ZBTB2: variants seen among roughly 807,000 people sequenced by gnomAD.
The protein encoded by ZBTB2 is zinc finger and BTB domain-containing protein 2.
A neutral mutation model predicts 39.5 loss-of-function variants in ZBTB2; 2 were observed. That is an observed-to-expected ratio of 0.05 (90% CI 0.02 to 0.16). ZBTB2 has a LOEUF of 0.16. ZBTB2 is among the 10% of genes least tolerant of loss of function. The pLI, the probability that ZBTB2 is intolerant of heterozygous loss-of-function variation, is 1.00. For missense variants in ZBTB2, 391 were observed against 653.0 expected, an observed-to-expected ratio of 0.60 and a Z score of 4.37; for synonymous variants, 251 against 256.6, an observed-to-expected ratio of 0.98 and a Z score of 0.21.
chr6:151,383,423 G>A (rs1339296435), intron 1 of ZBTB2, among the ~76,000 whole-genome samples: 3 of 152,090 alleles, frequency 2.0e-5, no homozygotes, highest in Admixed American at 2.0e-4. Flanking sequence ...TGAAATACAA[G>A]GATTATTAAA....
At chr6:151,390,875 C>T (rs1779282943) in intron 1 of ZBTB2, among the ~76,000 whole-genome samples, 1 of 151,244 alleles carries the variant, frequency 6.6e-6, no homozygotes, top group South Asian at 2.1e-4. Context: ...GGAAGGATTA[C>T]GCACCTGACG....
chr6:151,366,783 A>G lies in ZBTB2; in HGVS notation c.283T>C (p.Leu95=). 1 of 1,614,106 alleles carries G rather than the reference A, an allele frequency of 6.2e-7. No homozygotes were observed. Among genetic ancestry groups the G allele is most frequent in the East Asian group, 2.2e-5 (1 of 44,860 alleles). The part of the protein sequence containing the change: ...MAPQLIDPVR[L]EQGIKFLHAY... ...TGCAGAAACTTGATGCCCTGTTCTA[A>G]TCGAACCGGGTCGATGAGCTGAGGC... is the stretch of plus-strand genomic sequence containing the variant. The change falls in exon 3 of 3, where the codon TTA becomes CTA. Residue 95 remains leucine, a synonymous_variant. Coordinates refer to ENST00000325144, the MANE Select transcript of ZBTB2 (RefSeq NM_020861.3). The surrounding 1 kb of genome is among the most constrained non-coding windows in gnomAD (Gnocchi z 7.1).
At position 151,373,531 on chromosome 6, in the gene ZBTB2, T is replaced by C. The variant is rs1778831654; in HGVS notation, c.107A>G (p.Lys36Arg). The change falls in exon 2 of 3, where the codon AAG (lysine) becomes AGG (arginine). Residue 36 changes from lysine to arginine, a missense_variant. Around this residue, in one of 7 missense-constraint regions of ZBTB2, gnomAD observed 38 missense variants for 109.2 expected, o/e 0.35. Coordinates refer to ENST00000325144, the MANE Select transcript of ZBTB2 (RefSeq NM_020861.3). ...TGAAGCAAGAACTGATTTGTGTGCC[T>C]TGAAGTATACATCGCCGATTGCAAC... is the stretch of plus-strand genomic sequence containing the variant. ...CTVAIGDVYF[K>R]AHKSVLASFS... 1.2e-6 allele frequency: 2 copies of C among 1,614,164 alleles called. No individual in the cohort carries two copies. Among genetic ancestry groups the C allele is most frequent in the Non-Finnish European group, 1.7e-6 (2 of 1,180,026 alleles).
chr6:151,378,304 C>T (rs1778960206), intron 1 of ZBTB2, among the ~76,000 whole-genome samples: 2 of 152,084 alleles, frequency 1.3e-5, no homozygotes, highest in Non-Finnish European at 2.9e-5. Flanking sequence ...CATATCTAAG[C>T]ACGAGATAGG....
intron 1 of ZBTB2, among the ~76,000 whole-genome samples, chr6:151,381,155 C>T (rs529527318): frequency 7.9e-5 from 12 of 152,282 alleles, no homozygotes; most frequent in African/African-American, 2.6e-4. Flanking sequence ...CAGTTTTGGC[C>T]TCCTTCATGC....
chr6:151,369,755 C>T (rs1245701587), intron 2 of ZBTB2, among the ~76,000 whole-genome samples: 1 of 152,118 alleles, frequency 6.6e-6, no homozygotes, highest in Non-Finnish European at 1.5e-5. Context: ...GGTGGATCAC[C>T]TGGGGTCAGG....
chr6:151,383,783 A>ACCCCTG (rs1295268494), intron 1 of ZBTB2, among the ~76,000 whole-genome samples: 6 of 151,302 alleles, frequency 4.0e-5, no homozygotes, highest in South Asian at 2.1e-4. Flanking sequence ...ACACACACAT[A>ACCCCTG]CCCCTGCCCC....
chr6:151,378,596 A>C (rs922919092), intron 1 of ZBTB2, among the ~76,000 whole-genome samples: 1 of 152,230 alleles, frequency 6.6e-6, no homozygotes, highest in South Asian at 2.1e-4. Flanking sequence ...TATTCTCCGT[A>C]AAGTGCCAGA....
intron 2 of ZBTB2, among the ~76,000 whole-genome samples, chr6:151,371,343 G>A (rs1424218071): frequency 2.0e-5 from 3 of 152,168 alleles, no homozygotes; most frequent in African/African-American, 7.2e-5. Context: ...TAACAACATA[G>A]GGGAAAGGTG....
intron 2 of ZBTB2, among the ~76,000 whole-genome samples, chr6:151,367,350 A>T (rs1301115752): frequency 6.6e-6 from 1 of 152,134 alleles, no homozygotes; most frequent in Non-Finnish European, 1.5e-5. Flanking sequence ...CCAATTCCTG[A>T]CCTCAAGTGA....
chr6:151,377,409 C>T (rs976421080), intron 1 of ZBTB2, among the ~76,000 whole-genome samples: 3 of 150,252 alleles, frequency 2.0e-5, no homozygotes, highest in Non-Finnish European at 4.4e-5. Context: ...GCTCTTGTTG[C>T]CCAGGCTGGA....
chr6:151,382,231 CATGACTATGTATGAAAAAAT>C (rs1402970851), intron 1 of ZBTB2, among the ~76,000 whole-genome samples: 1 of 152,150 alleles, frequency 6.6e-6, no homozygotes, highest in Non-Finnish European at 1.5e-5. Flanking sequence ...ATTATGGGTA[CATGACTATGTATGAAAAAAT>C]ACTTTTCTTT....
At position 151,364,877 on chromosome 6, in the gene ZBTB2, A is replaced by T. The variant is rs748421048; in HGVS notation, c.*644T>A. On this transcript the variant is annotated 3_prime_UTR_variant, in exon 3 of 3. Transcript: ENST00000325144. ...ACACATTTTTCTCTTACAAACACAC[A>T]AACTCACAGCTTGTCATGTTGTACC... The T allele has an allele frequency of 1.3e-5, 2 of 152,678 alleles. No homozygotes were observed. The highest frequency in any genetic ancestry group is 2.1e-4 in the South Asian group (1 of 4,830). 9.5% of individuals were successfully genotyped at this position (152,678 alleles called of 1,614,324 possible). A position where few individuals can be genotyped will look rare whatever the true frequency, so the allele number is the denominator to read the frequency against.
intron 1 of ZBTB2, among the ~76,000 whole-genome samples, chr6:151,389,241 G>A (rs925269879): frequency 4.6e-5 from 7 of 152,026 alleles, no homozygotes; most frequent in African/African-American, 1.5e-4. Flanking sequence ...GGGCAACATA[G>A]CGAGATCCCT....
rs1295973336 is a variant in ZBTB2, at chr6:151,383,619, C to T, written c.-13+7801G>A. 2.0e-5 allele frequency among the ~76,000 whole-genome samples: 3 copies of T among 152,182 alleles called. No individual in the cohort carries two copies. In the East Asian group the frequency reaches 5.8e-4, roughly 29 times the overall value. On this transcript the variant is annotated intron_variant, in intron 1 of 2. Coordinates refer to ENST00000325144, the MANE Select transcript of ZBTB2 (RefSeq NM_020861.3). ...ATACTTACTGCTCAAAGGCTTCACT[C>T]TCGAGGCTGGGCAGCTTGGCAGCCT...
rs754686022 is a variant in ZBTB2, at chr6:151,364,158, AACTT to A, written c.*1359_*1362del. 6.6e-6 allele frequency: 1 copy of A among 152,550 alleles called. No homozygotes were observed. Among genetic ancestry groups the A allele is most frequent in the Non-Finnish European group, 1.5e-5 (1 of 68,028 alleles). 9.4% of individuals were successfully genotyped at this position (152,550 alleles called of 1,614,324 possible). ...TTTATTCAATGAAAGGATGTATAAA[AACTT>A]ACAAATTTGAGAACTCAACTATACA... On this transcript the variant is annotated 3_prime_UTR_variant, in exon 3 of 3. Transcript: ENST00000325144.
chr6:151,372,871 C>T (rs560344394), intron 2 of ZBTB2, among the ~76,000 whole-genome samples: 2 of 152,062 alleles, frequency 1.3e-5, no homozygotes, highest in East Asian at 3.9e-4. Context: ...TGGACCTGAT[C>T]TTGCCGGGTG....
At chr6:151,373,395 T>C (rs1000487330) in intron 2 of ZBTB2, 70 bp downstream of exon 2, 4 of 1,565,918 alleles carry the variant, frequency 2.6e-6, no homozygotes, top group Non-Finnish European at 1.8e-6. Flanking sequence ...CCCATGGTCT[T>C]GATGAGGGCC....
rs543065435 is a variant in ZBTB2, at chr6:151,365,233, A to G, written c.*288T>C. The G allele has an allele frequency of 2.0e-5, 6 of 306,732 alleles. No individual in the cohort carries two copies. In the South Asian group the frequency reaches 2.8e-4, roughly 14 times the overall value. 19.0% of individuals were successfully genotyped at this position (306,732 alleles called of 1,614,324 possible). Reference sequence around the variant, plus strand: ...CCAGTTGTTTTATTATATACCCTTCATTAGTTCCAAGTATGCTTCTGAATA... The same window carrying G: ...CCAGTTGTTTTATTATATACCCTTCGTTAGTTCCAAGTATGCTTCTGAATA... On this transcript the variant is annotated 3_prime_UTR_variant, in exon 3 of 3. Transcript: ENST00000325144. This position sits in a 1 kb window ranked among gnomAD's most constrained non-coding sequence, Gnocchi z 5.6.
Sources: allele counts gnomAD v4.1 joint callset (sites outside exome capture counted in the v4.1 genomes callset), GRCh38; gene constraint gnomAD v4.1.1; regional missense constraint gnomAD v4.1.1; non-coding constraint Gnocchi (gnomAD v3.1); transcripts MANE v1.5; gene names NCBI Gene and HGNC (gene_info 2026-07-23, HGNC 2026-07-21).